NUP210L: variants seen among roughly 807,000 people sequenced by gnomAD.
NUP210L encodes the protein nuclear pore membrane glycoprotein 210-like.
Under a neutral mutation model 208.5 loss-of-function variants are expected in NUP210L, and 74 were observed. The observed-to-expected ratio is 0.35, with a 90% CI of 0.29 to 0.43. The LOEUF is 0.43. Among genes scored for constraint, NUP210L ranks in the 20% least tolerant of loss-of-function variants. The pLI is 1.00. For synonymous variants in NUP210L, 780 were observed against 816.9 expected, an observed-to-expected ratio of 0.95 and a Z score of 0.77; for missense variants, 1,843 against 2,289.4, an observed-to-expected ratio of 0.81 and a Z score of 3.98.
exon 6 of NUP210L, chr1:154,138,132 G>A (rs773644930): frequency 6.7e-7 from 1 of 1,503,574 alleles, no homozygotes; most frequent in South Asian, 1.4e-5. Flanking sequence ...AACCATTTTT[G>A]CAACTTGGTA....
At chr1:154,031,383 C>A (rs1030670696) in intron 27 of NUP210L, among the ~76,000 whole-genome samples, 2 of 152,116 alleles carry the variant, frequency 1.3e-5, no homozygotes, top group East Asian at 1.9e-4. Flanking sequence ...AGCCATTGCA[C>A]CTGGCCTAGT....
intron 16 of NUP210L, among the ~76,000 whole-genome samples, chr1:154,088,842 T>C (rs1234761625): frequency 6.6e-6 from 1 of 152,148 alleles, no homozygotes. Context: ...GTACTCAACA[T>C]TGTTTATTAT....
chr1:154,146,622 C>G (rs903646020), intron 2 of NUP210L, among the ~76,000 whole-genome samples: 1 of 106,370 alleles, frequency 9.4e-6, no homozygotes, highest in African/African-American at 3.9e-5. Flanking sequence ...TCCCCCCTCC[C>G]CCCCCCACCA....
chr1:154,053,808 G>A (rs538728977), intron 25 of NUP210L, among the ~76,000 whole-genome samples: 2 of 152,228 alleles, frequency 1.3e-5, no homozygotes, highest in African/African-American at 2.4e-5. Flanking sequence ...TGAAGGCTGT[G>A]AGCCCCCTGA....
rs565760990 is a variant in NUP210L, at chr1:154,097,330, G to A, written c.1966-2174C>T. On this transcript the variant is annotated intron_variant, in intron 14 of 39. Coordinates refer to ENST00000368559, the Ensembl canonical transcript of NUP210L. ...ACAATTTGTTTTTCATCAGGCAAGG[G>A]GAAAGATACGTGACTAACATACTAG... Among the ~76,000 whole-genome samples, 6 of 152,168 alleles carry A rather than the reference G, an allele frequency of 3.9e-5. No individual in the cohort carries two copies. In the South Asian group the frequency reaches 1.2e-3, roughly 32 times the overall value.
intron 8 of NUP210L, 130 bp from the exon 9 acceptor site, chr1:154,127,547 T>G: frequency 2.7e-6 from 1 of 369,124 alleles, no homozygotes; most frequent in Non-Finnish European, 4.6e-6. Flanking sequence ...GTTTCCAAAG[T>G]AGGTTCTTTT....
At chr1:154,067,479 C>A (rs553733427) in intron 17 of NUP210L, among the ~76,000 whole-genome samples, 1 of 152,120 alleles carries the variant, frequency 6.6e-6, no homozygotes, top group South Asian at 2.1e-4. Context: ...AAACCCACAG[C>A]CAATATCATA....
exon 14 of NUP210L, chr1:154,100,078 T>C (rs1656382638): frequency 6.2e-7 from 1 of 1,613,812 alleles, no homozygotes; most frequent in African/African-American, 1.3e-5. Flanking sequence ...GTTACCAGAG[T>C]ATGGCCAAGA....
chr1:154,135,551 A>C (rs1183017900), intron 7 of NUP210L, among the ~76,000 whole-genome samples: 1 of 151,678 alleles, frequency 6.6e-6, no homozygotes, highest in Non-Finnish European at 1.5e-5. Context: ...CCTCCCGAGT[A>C]GCTGGGACTA....
chr1:154,081,783 A>T (rs769899776), intron 16 of NUP210L, among the ~76,000 whole-genome samples: 17 of 152,260 alleles, frequency 1.1e-4, no homozygotes, highest in Middle Eastern at 6.8e-3. Context: ...GGAGTTCAAG[A>T]CCAGCCTGGG....
Position 154,143,588 on chromosome 1 carries a change from C to T in NUP210L, c.341-11G>A. 1 of 1,606,190 alleles carries T rather than the reference C, an allele frequency of 6.2e-7. No homozygotes were observed. Among genetic ancestry groups the T allele is most frequent in the Non-Finnish European group, 8.5e-7 (1 of 1,176,424 alleles). The stretch of plus-strand genomic sequence containing the variant: ...GCTCATGGTCAGTCACTACAATGAA[C>T]CCAAAAACTGAGTATTTAATTCAAT... On this transcript the variant is annotated splice_polypyrimidine_tract_variant and intron_variant, in intron 2 of 39. Transcript: ENST00000368559.
intron 27 of NUP210L, among the ~76,000 whole-genome samples, chr1:154,031,340 T>C (rs1295857201): frequency 6.6e-6 from 1 of 152,184 alleles, no homozygotes; most frequent in Non-Finnish European, 1.5e-5. Flanking sequence ...TCCACCCACC[T>C]TGGCCTCCCA....
chr1:154,067,545 T>C (rs992841417), intron 17 of NUP210L, among the ~76,000 whole-genome samples: 45 of 152,190 alleles, frequency 3.0e-4, no homozygotes, highest in Admixed American at 9.2e-4. Context: ...AAGACAGGGA[T>C]GCCCTCTCTC....
chr1:154,076,874 C>A (rs1182890145), intron 16 of NUP210L, among the ~76,000 whole-genome samples: 3 of 152,078 alleles, frequency 2.0e-5, no homozygotes, highest in African/African-American at 4.8e-5. Flanking sequence ...GCTCAAACAA[C>A]ATCAATCCAT....
chr1:154,139,960 C>A lies in NUP210L; in HGVS notation c.567-8G>T. The stretch of plus-strand genomic sequence containing the variant: ...TCGGAGTATTTAAGAATCCTAAAGA[C>A]ATAAAATAAAATGTGTTTCTAGCAG... On this transcript the variant is annotated splice_polypyrimidine_tract_variant and splice_region_variant and intron_variant, in intron 4 of 39. Transcript: ENST00000368559. The A allele has an allele frequency of 6.3e-7, 1 of 1,597,350 alleles. No homozygotes were observed. The highest frequency in any genetic ancestry group is 8.5e-7 in the Non-Finnish European group (1 of 1,169,968).
chr1:154,135,173 T>C (rs1190222002), intron 7 of NUP210L, among the ~76,000 whole-genome samples: 1 of 152,188 alleles, frequency 6.6e-6, no homozygotes, highest in East Asian at 1.9e-4. Context: ...CATGTACAAA[T>C]AGAAAAGAGA....
rs745735321 is a variant in NUP210L at position 154,152,090 on chromosome 1, C to CAA, written c.340+644_340+645dup. On this transcript the variant is annotated intron_variant, in intron 2 of 39. Coordinates refer to ENST00000368559, the Ensembl canonical transcript of NUP210L. Reference sequence around the variant, plus strand: ...GGGCAACAAAAGCGAAACTCCGTCTCAAAAAAAAAAAAAAAAAGAAAGAAA... The same window carrying CAA: ...GGGCAACAAAAGCGAAACTCCGTCTCAAAAAAAAAAAAAAAAAAAGAAAGAAA... Among the ~76,000 whole-genome samples the CAA allele has an allele frequency of 2.1e-4, 22 of 103,912 alleles. 1 individual carries two copies. The highest frequency in any genetic ancestry group is 1.9e-3 in the East Asian group (7 of 3,670). The allele number at this position is 103,912 out of a possible 152,430, so 68.2% of individuals were successfully genotyped here.
chr1:154,105,905 C>T (rs977486898), intron 12 of NUP210L, among the ~76,000 whole-genome samples: 8 of 152,080 alleles, frequency 5.3e-5, no homozygotes, highest in Non-Finnish European at 7.4e-5. Context: ...GTATTTGCCA[C>T]GGGTCTGGGG....
chr1:154,041,381 A>C (rs945321763), intron 27 of NUP210L, among the ~76,000 whole-genome samples: 1 of 152,138 alleles, frequency 6.6e-6, no homozygotes, highest in African/African-American at 2.4e-5. Flanking sequence ...CTCAGGCTGG[A>C]GTACAGTGGT....
Sources: gnomAD v4.1 joint callset for allele counts (sites outside exome capture counted in the v4.1 genomes callset) on GRCh38, gnomAD v4.1.1 for gene constraint, MANE v1.5 for transcripts, NCBI Gene and HGNC (gene_info 2026-07-23, HGNC 2026-07-21) for gene names.